Variants in PPM1L observed in about 807,000 individuals in gnomAD.
The protein encoded by PPM1L is protein phosphatase 1L.
A neutral mutation model predicts 31.4 loss-of-function variants in PPM1L; 13 were observed. The ratio of observed to expected loss-of-function variants is 0.41; its 90% CI spans 0.27 to 0.66. The LOEUF is 0.66. Among genes scored for constraint, PPM1L ranks in the 30% least tolerant of loss-of-function variants. The pLI, the probability that PPM1L is intolerant of heterozygous loss-of-function variation, is 0.29. For synonymous variants in PPM1L, 184 were observed against 175.4 expected (o/e 1.05, Z -0.39); for missense variants, 326 against 453.7 (o/e 0.72, Z 2.56).
chr3:161,021,007 T>A (rs1470871063), intron 2 of PPM1L, among the ~76,000 whole-genome samples: 1 of 152,016 alleles, frequency 6.6e-6, no homozygotes, highest in Admixed American at 6.5e-5. Flanking sequence ...TGATCTTTTT[T>A]AAGAACCTAC....
chr3:160,887,306 A>G (rs1459313965), intron 1 of PPM1L, among the ~76,000 whole-genome samples: 1 of 151,998 alleles, frequency 6.6e-6, no homozygotes. Context: ...ATCCAGGAGA[A>G]CTTCCCCAAC....
chr3:160,851,006 G>A (rs1220690967), intron 1 of PPM1L, among the ~76,000 whole-genome samples: 1 of 151,764 alleles, frequency 6.6e-6, no homozygotes, highest in Non-Finnish European at 1.5e-5. Context: ...GTCAGTCCCA[G>A]CACTCTCTAA....
At chr3:160,776,439 C>T (rs1489303151) in intron 1 of PPM1L, among the ~76,000 whole-genome samples, 1 of 152,178 alleles carries the variant, frequency 6.6e-6, no homozygotes, top group African/African-American at 2.4e-5. Context: ...TTAAACTTCC[C>T]TTGGCAGTGT....
rs1162349299 is a variant in PPM1L, at chr3:161,073,436, C to T, written c.*4279C>T. On this transcript the variant is annotated 3_prime_UTR_variant, in exon 4 of 4. Coordinates refer to ENST00000498165, the MANE Select transcript of PPM1L (RefSeq NM_139245.4). ...AGCAGTACAATTTGCAACTTAGAAG[C>T]ATGAGCCTTTCATATATGAAGCTGA... 6.6e-6 allele frequency: 1 copy of T among 152,188 alleles called. No homozygotes were observed. The highest frequency in any genetic ancestry group is 1.5e-5 in the Non-Finnish European group (1 of 68,038). 9.4% of individuals were successfully genotyped at this position (152,188 alleles called of 1,614,324 possible). A position where few individuals can be genotyped will look rare whatever the true frequency, so the allele number is the denominator to read the frequency against.
intron 2 of PPM1L, among the ~76,000 whole-genome samples, chr3:160,971,286 T>A (rs1716333953): frequency 1.3e-5 from 2 of 152,226 alleles, no homozygotes; most frequent in African/African-American, 4.8e-5. Context: ...CAATGTGTGA[T>A]TTTTGTCTGT....
intron 1 of PPM1L, among the ~76,000 whole-genome samples, chr3:160,956,319 T>G (rs1715773466): frequency 6.6e-6 from 1 of 152,212 alleles, no homozygotes; most frequent in Non-Finnish European, 1.5e-5. Context: ...TAGCTCATAT[T>G]TTTACTCTAG....
At chr3:160,885,142 T>G (rs557950100) in intron 1 of PPM1L, among the ~76,000 whole-genome samples, 1 of 152,308 alleles carries the variant, frequency 6.6e-6, no homozygotes, top group African/African-American at 2.4e-5. Flanking sequence ...TCTCCACCCC[T>G]TCACTGACCT....
At position 161,039,375 on chromosome 3, in the gene PPM1L, C is replaced by T. The variant is rs146107003; in HGVS notation, c.575-26028C>T. ...GGAAAAATGATCAAGGTTCTTGGAACTCAGCCATGTTAGGAAGTAAGGTGA... is the reference window on the plus strand; with the variant it reads ...GGAAAAATGATCAAGGTTCTTGGAATTCAGCCATGTTAGGAAGTAAGGTGA... On this transcript the variant is annotated intron_variant, in intron 2 of 3. Transcript: ENST00000498165. Among the ~76,000 whole-genome samples the T allele has an allele frequency of 8.5e-5, 13 of 152,194 alleles. No homozygotes were observed. In the East Asian group the frequency reaches 2.5e-3, roughly 29 times the overall value.
intron 1 of PPM1L, among the ~76,000 whole-genome samples, chr3:160,918,916 T>C (rs927849202): frequency 2.6e-5 from 4 of 152,140 alleles, no homozygotes; most frequent in Non-Finnish European, 4.4e-5. Context: ...AAAAATGCCA[T>C]GTTGAAGTTA....
chr3:160,955,454 T>C (rs1202265561), intron 1 of PPM1L, among the ~76,000 whole-genome samples: 1 of 152,244 alleles, frequency 6.6e-6, no homozygotes, highest in Middle Eastern at 3.4e-3. Flanking sequence ...TAAATAAATA[T>C]ATTAATTTAT....
At chr3:160,931,749 G>A (rs565848084) in intron 1 of PPM1L, among the ~76,000 whole-genome samples, 3 of 152,332 alleles carry the variant, frequency 2.0e-5, no homozygotes, top group African/African-American at 7.2e-5. Context: ...AGGTTAGGAT[G>A]TAGTATTTTC....
In PPM1L at chr3:160,915,355, C is replaced by T. The variant is rs560169864; in HGVS notation, c.400-46381C>T. 1.1e-4 allele frequency among the ~76,000 whole-genome samples: 17 copies of T among 152,046 alleles called. 1 individual carries two copies. Among genetic ancestry groups the T allele is most frequent in the East Asian group, 7.8e-4 (4 of 5,156 alleles). On this transcript the variant is annotated intron_variant, in intron 1 of 3. Transcript: ENST00000498165. ...ACCTAGGAATCCAACTTACAAGGGACGTGAAGGACCTCTTCAAGGAGAACT... is the reference window on the plus strand; with the variant it reads ...ACCTAGGAATCCAACTTACAAGGGATGTGAAGGACCTCTTCAAGGAGAACT...
Position 160,863,245 on chromosome 3 carries a change from G to C in PPM1L, c.400-98491G>C, listed in dbSNP as rs111441494. 1.7e-3 allele frequency among the ~76,000 whole-genome samples: 260 copies of C among 152,186 alleles called. 1 individual carries two copies. Among genetic ancestry groups the C allele is most frequent in the Middle Eastern group, 3.4e-3 (1 of 294 alleles). Reference sequence around the variant, plus strand: ...GATAGAATTTTTAAAATACAGACTTGGAGACCACATTCAAAACACTTCATA... The same window carrying C: ...GATAGAATTTTTAAAATACAGACTTCGAGACCACATTCAAAACACTTCATA... On this transcript the variant is annotated intron_variant, in intron 1 of 3. Coordinates refer to ENST00000498165, the MANE Select transcript of PPM1L (RefSeq NM_139245.4).
chr3:160,790,050 T>G (rs1712055369), intron 1 of PPM1L, among the ~76,000 whole-genome samples: 1 of 152,134 alleles, frequency 6.6e-6, no homozygotes, highest in Admixed American at 6.6e-5. Context: ...TAGTGAATAA[T>G]GACAAGAAAA....
At chr3:160,885,099 G>A (rs1318851243) in intron 1 of PPM1L, among the ~76,000 whole-genome samples, 1 of 152,116 alleles carries the variant, frequency 6.6e-6, no homozygotes, top group Non-Finnish European at 1.5e-5. Flanking sequence ...GGGAGGGATA[G>A]GTACTCAGTA....
In PPM1L at chr3:160,903,795, T is replaced by A. The variant is rs960324330; in HGVS notation, c.400-57941T>A. On this transcript the variant is annotated intron_variant, in intron 1 of 3. Transcript: ENST00000498165. ...ACCACTTGTTCTCTAGGCGTCTATA[T>A]TCCAATGGAAGAGACAAGTCAAAGG... Among the ~76,000 whole-genome samples, 4 of 150,720 alleles carry A rather than the reference T, an allele frequency of 2.7e-5. No individual in the cohort carries two copies. The Admixed American group carries it at 2.7e-4, about 10-fold the overall frequency.
chr3:160,960,255 T>C (rs1305516699), intron 1 of PPM1L, among the ~76,000 whole-genome samples: 3 of 152,198 alleles, frequency 2.0e-5, no homozygotes, highest in Non-Finnish European at 4.4e-5. Context: ...ACTTTACATA[T>C]TTATGAGGTA....
intron 1 of PPM1L, among the ~76,000 whole-genome samples, chr3:160,815,032 G>T (rs1229979121): frequency 1.3e-5 from 2 of 152,038 alleles, no homozygotes; most frequent in African/African-American, 4.8e-5. Flanking sequence ...AGGGATAAAA[G>T]ACTACACATT....
chr3:160,779,430 T>C (rs1257338966), intron 1 of PPM1L, among the ~76,000 whole-genome samples: 2 of 152,152 alleles, frequency 1.3e-5, no homozygotes, highest in African/African-American at 2.4e-5. Flanking sequence ...GGGGATAATA[T>C]CTGCTTCACT....
Sources: gnomAD v4.1 joint callset for allele counts (sites outside exome capture counted in the v4.1 genomes callset) on GRCh38, gnomAD v4.1.1 for gene constraint, MANE v1.5 for transcripts, NCBI Gene and HGNC (gene_info 2026-07-23, HGNC 2026-07-21) for gene names.